The following SLC24A2 variants were observed in gnomAD, a reference collection of about 807,000 sequenced individuals.
The protein encoded by SLC24A2 is solute carrier family 24 member 2, also known as sodium/potassium/calcium exchanger 2.
Under a neutral mutation model 62.0 loss-of-function variants are expected in SLC24A2, and 36 were observed. The ratio of observed to expected loss-of-function variants is 0.58; its 90% CI spans 0.44 to 0.77. SLC24A2 has a LOEUF of 0.77. Ranked by LOEUF, SLC24A2 falls within the 30% of genes least tolerant of loss-of-function variation. The pLI, the probability that SLC24A2 is intolerant of heterozygous loss-of-function variation, is 0.00. For missense variants in SLC24A2, 846 were observed against 817.9 expected (o/e 1.03, Z -0.42); for synonymous variants, 358 against 294.0 (o/e 1.22, Z -2.23).
At chr9:20,006,907 A>G in the SLC24A2 span, among the ~76,000 whole-genome samples, 8 of 152,176 alleles carry the variant, frequency 5.3e-5, no homozygotes, top group African/African-American at 1.9e-4. Flanking sequence ...TTGCCTTCCT[A>G]AAAGCATTAC....
Position 19,565,107 on chromosome 9 carries a change from G to A in SLC24A2, c.1347+8244C>T, listed in dbSNP as rs563322245. Among the ~76,000 whole-genome samples the A allele has an allele frequency of 1.9e-3, 291 of 152,102 alleles. 2 individuals carry two copies. The highest frequency in any genetic ancestry group is 0.018 in the Admixed American group (282 of 15,268). ...TATTCAACACAGTGTTGGAAGTTCTGGCCAGGGCAATCACGCAGGAGAAAG... is the reference window on the plus strand; with the variant it reads ...TATTCAACACAGTGTTGGAAGTTCTAGCCAGGGCAATCACGCAGGAGAAAG... On this transcript the variant is annotated intron_variant, in intron 7 of 10. Transcript: ENST00000341998.
intron 5 of SLC24A2, among the ~76,000 whole-genome samples, chr9:19,589,586 T>G (rs1399544399): frequency 6.6e-6 from 1 of 152,256 alleles, no homozygotes; most frequent in East Asian, 1.9e-4. Context: ...ATATATATTT[T>G]TTCATCATTT....
At chr9:19,828,584 C>A in the SLC24A2 span, among the ~76,000 whole-genome samples, 1 of 152,144 alleles carries the variant, frequency 6.6e-6, no homozygotes, top group African/African-American at 2.4e-5. Flanking sequence ...GGGTTCATAT[C>A]TAGGTTCACA....
chr9:19,614,649 C>T (rs563276177), intron 4 of SLC24A2, among the ~76,000 whole-genome samples: 1 of 152,132 alleles, frequency 6.6e-6, no homozygotes, highest in African/African-American at 2.4e-5. Flanking sequence ...TGGGATTTCC[C>T]AGGCTAGGTC....
chr9:19,755,106 G>T (rs1220918037), intron 2 of SLC24A2, among the ~76,000 whole-genome samples: 1 of 152,160 alleles, frequency 6.6e-6, no homozygotes, highest in Non-Finnish European at 1.5e-5. Flanking sequence ...AGCTCAGATG[G>T]CCTGGGCTTA....
At chr9:19,680,571 T>C (rs1819691606) in intron 2 of SLC24A2, among the ~76,000 whole-genome samples, 1 of 151,052 alleles carries the variant, frequency 6.6e-6, no homozygotes, top group African/African-American at 2.4e-5. Context: ...CGCCACTTTC[T>C]TAAACATTAT....
intron 4 of SLC24A2, among the ~76,000 whole-genome samples, chr9:19,606,100 T>C (rs1257128770): frequency 6.6e-6 from 1 of 152,220 alleles, no homozygotes; most frequent in African/African-American, 2.4e-5. Context: ...CTCACTAGCA[T>C]TGACAAGATG....
At chr9:19,779,798 G>A (rs993768265) in intron 2 of SLC24A2, among the ~76,000 whole-genome samples, 2 of 152,350 alleles carry the variant, frequency 1.3e-5, no homozygotes, top group East Asian at 1.9e-4. Context: ...GGTGGCTCAC[G>A]CCTGTAATCC....
chr9:19,841,496 A>T, the SLC24A2 span, among the ~76,000 whole-genome samples: 1 of 152,210 alleles, frequency 6.6e-6, no homozygotes, highest in African/African-American at 2.4e-5. Flanking sequence ...AGGGATTGGT[A>T]GATGATGGGT....
intron 3 of SLC24A2, 95 bp downstream of exon 3, chr9:19,622,166 A>C: frequency 1.1e-6 from 1 of 941,530 alleles, no homozygotes; most frequent in East Asian, 2.4e-5. Context: ...GGGAGAGAGT[A>C]ATGTGTTGAG....
chr9:20,148,483 G>A, the SLC24A2 span, among the ~76,000 whole-genome samples: 1 of 152,074 alleles, frequency 6.6e-6, no homozygotes, highest in Non-Finnish European at 1.5e-5. Flanking sequence ...CTGGATGTGA[G>A]TTATGACTAC....
chr9:20,154,014 G>A, the SLC24A2 span, among the ~76,000 whole-genome samples: 1 of 151,826 alleles, frequency 6.6e-6, no homozygotes, highest in Non-Finnish European at 1.5e-5. Context: ...GTATACCCCA[G>A]ATTTCTTGGG....
the SLC24A2 span, among the ~76,000 whole-genome samples, chr9:20,245,588 G>A: frequency 6.6e-6 from 1 of 152,196 alleles, no homozygotes; most frequent in Non-Finnish European, 1.5e-5. Flanking sequence ...GCCATGGTGA[G>A]GAGAATAAGC....
At chr9:19,916,645 T>G in the SLC24A2 span, among the ~76,000 whole-genome samples, 194 of 152,082 alleles carry the variant, frequency 1.3e-3, no homozygotes, top group African/African-American at 4.6e-3. Context: ...TAGCATTATA[T>G]TGGGAGCAAT....
At chr9:20,086,624 G>A in the SLC24A2 span, among the ~76,000 whole-genome samples, 12 of 152,144 alleles carry the variant, frequency 7.9e-5, no homozygotes, top group African/African-American at 2.4e-4. Context: ...TGTTTTTATC[G>A]TCACAGTCTG....
the SLC24A2 span, among the ~76,000 whole-genome samples, chr9:19,907,905 CTGCCCAAGGTAATTTATAGATTCAA>C: frequency 6.2e-4 from 95 of 152,308 alleles, no homozygotes; most frequent in African/African-American, 2.2e-3. Flanking sequence ...AATGGCCATA[CTGCCCAAGGTAATTTATAGATTCAA>C]TGCCATCCCC....
the SLC24A2 span, among the ~76,000 whole-genome samples, chr9:19,838,657 A>T: frequency 6.6e-6 from 1 of 152,116 alleles, no homozygotes; most frequent in South Asian, 2.1e-4. Flanking sequence ...AAAGAAAAAA[A>T]AAAGTGTTTT....
At chr9:19,636,997 A>G (rs1161824776) in intron 2 of SLC24A2, among the ~76,000 whole-genome samples, 2 of 152,234 alleles carry the variant, frequency 1.3e-5, no homozygotes, top group Non-Finnish European at 2.9e-5. Flanking sequence ...TGGAAAAACT[A>G]TTTGGAATAT....
the SLC24A2 span, among the ~76,000 whole-genome samples, chr9:20,097,934 G>A: frequency 6.6e-6 from 1 of 151,544 alleles, no homozygotes; most frequent in Non-Finnish European, 1.5e-5. Flanking sequence ...AGTAGAGACG[G>A]GGTTTCACCA....
Sources: gnomAD v4.1 joint callset for allele counts (sites outside exome capture counted in the v4.1 genomes callset) on GRCh38, gnomAD v4.1.1 for gene constraint, MANE v1.5 for transcripts, NCBI Gene and HGNC (gene_info 2026-07-23, HGNC 2026-07-21) for gene names.